The following RUNX1T1 variants were observed in gnomAD, a reference collection of about 807,000 sequenced individuals.
RUNX1T1 encodes RUNX1 partner transcriptional co-repressor 1, also known as protein CBFA2T1.
In RUNX1T1, 4 loss-of-function variants were observed where a neutral mutation model predicts 62.8. That is an observed-to-expected ratio of 0.06 (90% CI 0.03 to 0.15). The LOEUF (loss-of-function observed/expected upper bound fraction) is 0.15. Among genes scored for constraint, RUNX1T1 ranks in the 10% least tolerant of loss-of-function variants. The pLI, the probability that RUNX1T1 is intolerant of heterozygous loss-of-function variation, is 1.00. For synonymous variants in RUNX1T1, 291 were observed against 286.0 expected (o/e 1.02, Z -0.18); for missense variants, 508 against 754.3 (o/e 0.67, Z 3.82).
chr8:92,093,706 C>T (rs1043622211), intron 1 of RUNX1T1, among the ~76,000 whole-genome samples: 3 of 152,040 alleles, frequency 2.0e-5, no homozygotes, highest in Non-Finnish European at 2.9e-5. Flanking sequence ...TTTCAGTACC[C>T]GACTGGAAAA....
At chr8:92,091,025 CT>C (rs1328542766) in intron 1 of RUNX1T1, among the ~76,000 whole-genome samples, 1 of 152,170 alleles carries the variant, frequency 6.6e-6, no homozygotes, top group Non-Finnish European at 1.5e-5. Flanking sequence ...CTCAAGAGCC[CT>C]GAGCACACTT....
chr8:91,985,802 C>T (rs1816435403), intron 8 of RUNX1T1, among the ~76,000 whole-genome samples: 1 of 152,100 alleles, frequency 6.6e-6, no homozygotes, highest in East Asian at 1.9e-4. Flanking sequence ...AGGCCCACTC[C>T]CTGAGATTGT....
chr8:91,976,280 T>C (rs181754602), intron 8 of RUNX1T1, among the ~76,000 whole-genome samples: 2 of 152,332 alleles, frequency 1.3e-5, no homozygotes, highest in Admixed American at 1.3e-4. Context: ...CTATGGAGAC[T>C]TCTATAGATA....
chr8:92,070,741 T>C (rs957564249), intron 2 of RUNX1T1, among the ~76,000 whole-genome samples: 3 of 152,254 alleles, frequency 2.0e-5, no homozygotes, highest in African/African-American at 4.8e-5. Flanking sequence ...GGCAAAGGTA[T>C]ATACTGCTCT....
At chr8:92,016,764 A>G (rs552757681) in intron 2 of RUNX1T1, among the ~76,000 whole-genome samples, 7 of 152,352 alleles carry the variant, frequency 4.6e-5, no homozygotes, top group African/African-American at 1.7e-4. Flanking sequence ...TACCCTTTTT[A>G]ACACAAGGAT....
intron 10 of RUNX1T1, among the ~76,000 whole-genome samples, chr8:91,967,938 CTG>C (rs1029683661): frequency 1.7e-4 from 26 of 152,074 alleles, no homozygotes; most frequent in African/African-American, 6.0e-4. Context: ...TTTTTAAAAA[CTG>C]TGGGAAATAT....
chr8:92,092,877 T>C (rs1353315307), intron 1 of RUNX1T1, among the ~76,000 whole-genome samples: 1 of 152,122 alleles, frequency 6.6e-6, no homozygotes, highest in East Asian at 1.9e-4. Context: ...TGTTTTTTTG[T>C]TTTTAAATAA....
At chr8:92,092,295 CAT>C (rs1440579103) in intron 1 of RUNX1T1, among the ~76,000 whole-genome samples, 1 of 152,166 alleles carries the variant, frequency 6.6e-6, no homozygotes, top group Admixed American at 6.5e-5. Flanking sequence ...TTTAAAAGAA[CAT>C]GTCTTTCCTA....
At chr8:91,985,589 T>C (rs1405881117) in intron 8 of RUNX1T1, among the ~76,000 whole-genome samples, 1 of 152,168 alleles carries the variant, frequency 6.6e-6, no homozygotes, top group Non-Finnish European at 1.5e-5. Flanking sequence ...AATATATAGC[T>C]TCTAGGTCTC....
intron 1 of RUNX1T1, among the ~76,000 whole-genome samples, chr8:92,038,356 A>C (rs1423870781): frequency 6.6e-6 from 1 of 152,180 alleles, no homozygotes; most frequent in Non-Finnish European, 1.5e-5. Context: ...TGAAGGCAGG[A>C]TTCTAACTTT....
chr8:92,027,516 C>G (rs1825443767), intron 1 of RUNX1T1, among the ~76,000 whole-genome samples: 1 of 152,170 alleles, frequency 6.6e-6, no homozygotes, highest in Admixed American at 6.5e-5. Context: ...TGCTGGGTTT[C>G]TACATTTGAT....
intron 10 of RUNX1T1, among the ~76,000 whole-genome samples, chr8:91,968,705 G>T (rs549033954): frequency 9.2e-5 from 14 of 152,238 alleles, no homozygotes; most frequent in African/African-American, 3.1e-4. Flanking sequence ...CCTATGAAAA[G>T]ATCCTTATTT....
chr8:92,043,431 C>T (rs1336331676), intron 1 of RUNX1T1, among the ~76,000 whole-genome samples: 4 of 151,688 alleles, frequency 2.6e-5, no homozygotes, highest in Admixed American at 1.3e-4. Flanking sequence ...CTAGTTCTAG[C>T]AAACTATCAC....
intron 1 of RUNX1T1, among the ~76,000 whole-genome samples, chr8:92,084,229 C>T (rs1466996866): frequency 8.0e-6 from 1 of 124,330 alleles, no homozygotes; most frequent in African/African-American, 3.1e-5. Flanking sequence ...ACATATATCC[C>T]AGAACTTAAA....
At chr8:92,086,477 C>A (rs1836142042) in intron 1 of RUNX1T1, among the ~76,000 whole-genome samples, 1 of 152,152 alleles carries the variant, frequency 6.6e-6, no homozygotes, top group African/African-American at 2.4e-5. Flanking sequence ...GGAGCCAAGT[C>A]CTACAGTGGT....
chr8:91,979,742 A>G, intron 8 of RUNX1T1: 1 of 474,364 alleles, frequency 2.1e-6, no homozygotes, highest in Non-Finnish European at 4.1e-6. Context: ...GCAATCTATG[A>G]TGTATGAAAG....
intron 1 of RUNX1T1, among the ~76,000 whole-genome samples, chr8:92,021,270 G>T (rs1039000279): frequency 1.3e-5 from 2 of 152,188 alleles, no homozygotes; most frequent in African/African-American, 2.4e-5. Context: ...GGTGGGTATA[G>T]AACTTTAATT....
At chr8:92,095,663 A>G (rs539961035) in intron 1 of RUNX1T1, 98 of 863,850 alleles carry the variant, frequency 1.1e-4, no homozygotes, top group Non-Finnish European at 1.5e-4. Flanking sequence ...GGAAGGAGAG[A>G]CACAGGCAGG....
At chr8:92,023,401 C>A (rs1468565312) in intron 1 of RUNX1T1, among the ~76,000 whole-genome samples, 5 of 152,132 alleles carry the variant, frequency 3.3e-5, no homozygotes. Context: ...GAAGTGACCA[C>A]AAATACAATC....
Sources: allele counts gnomAD v4.1 joint callset (sites outside exome capture counted in the v4.1 genomes callset), GRCh38; gene constraint gnomAD v4.1.1; transcripts MANE v1.5; gene names NCBI Gene and HGNC (gene_info 2026-07-23, HGNC 2026-07-21).